CSDE1: variants seen among roughly 807,000 people sequenced by gnomAD.
The protein encoded by CSDE1 is cold shock domain containing E1.
A neutral mutation model predicts 89.3 loss-of-function variants in CSDE1; 17 were observed. That is an observed-to-expected ratio of 0.19 (90% CI 0.13 to 0.29). The LOEUF (loss-of-function observed/expected upper bound fraction) is 0.29, where lower values mean the gene tolerates loss of function less well. Ranked by LOEUF, CSDE1 falls within the 10% of genes least tolerant of loss-of-function variation. The pLI is 1.00. For synonymous variants in CSDE1, 322 were observed against 332.8 expected (o/e 0.97, Z 0.35); for missense variants, 672 against 984.2 (o/e 0.68, Z 4.24).
chr1:114,741,707 A>C (rs1285252187), intron 2 of CSDE1: 14 of 1,429,148 alleles, frequency 9.8e-6, no homozygotes, highest in Non-Finnish European at 1.3e-5. Context: ...GATAACTATG[A>C]TCAATAACAA....
At chr1:114,736,018 C>T (rs1660382141) in intron 6 of CSDE1, among the ~76,000 whole-genome samples, 1 of 152,162 alleles carries the variant, frequency 6.6e-6, no homozygotes, top group African/African-American at 2.4e-5. Context: ...CCACCTTGAA[C>T]ATTCTCCTTA....
chr1:114,732,582 T>C (rs367626609), intron 10 of CSDE1, 22 bp downstream of exon 10: 2 of 1,603,112 alleles, frequency 1.2e-6, no homozygotes, highest in African/African-American at 2.7e-5. Flanking sequence ...TAGATACATA[T>C]CCAGTAATAT....
chr1:114,740,984 A>G (rs1660693983), intron 2 of CSDE1, among the ~76,000 whole-genome samples: 1 of 152,240 alleles, frequency 6.6e-6, no homozygotes, highest in African/African-American at 2.4e-5. Flanking sequence ...TGAGTCAACG[A>G]TATGTGTGAT....
intron 1 of CSDE1, among the ~76,000 whole-genome samples, chr1:114,752,853 T>A (rs993250314): frequency 2.6e-5 from 4 of 152,244 alleles, no homozygotes; most frequent in Admixed American, 2.0e-4. Context: ...TTTTTATGTA[T>A]CTTGTTCCTC....
At chr1:114,725,502 G>A (rs1659743340) in intron 14 of CSDE1, among the ~76,000 whole-genome samples, 169 bp from the exon 15 acceptor site, 1 of 152,184 alleles carries the variant, frequency 6.6e-6, no homozygotes, top group Non-Finnish European at 1.5e-5. Context: ...AATGCCCCAT[G>A]AAGAGGTAAC....
intron 1 of CSDE1, among the ~76,000 whole-genome samples, chr1:114,757,554 G>A (rs1324557257): frequency 6.6e-6 from 1 of 151,996 alleles, no homozygotes; most frequent in East Asian, 1.9e-4. Context: ...CGCAGATGGG[G>A]AAGCAGCCAG....
intron 2 of CSDE1, among the ~76,000 whole-genome samples, chr1:114,742,298 A>G (rs1004697997): frequency 6.6e-6 from 1 of 152,150 alleles, no homozygotes; most frequent in Admixed American, 6.6e-5. Context: ...CTTCACAAAT[A>G]AGACAAATGA....
intron 9 of CSDE1, among the ~76,000 whole-genome samples, 158 bp from the exon 10 acceptor site, chr1:114,732,974 G>A (rs1189954777): frequency 2.0e-5 from 3 of 152,166 alleles, no homozygotes; most frequent in African/African-American, 7.2e-5. Flanking sequence ...AAAGCTTCAT[G>A]GTCTATGGTC....
chr1:114,718,737 G>A lies in CSDE1; in HGVS notation c.2225C>T (p.Pro742Leu), dbSNP rs746922895. The A allele has an allele frequency of 9.3e-6, 15 of 1,613,844 alleles. No homozygotes were observed. The South Asian group carries it at 1.5e-4, about 17-fold the overall frequency. ...AGGTCGAGGAGCTGCAACAGCCTTG[G>A]GGCCCTCACTGTAATTAAGTCAAAA... Reference protein sequence around the residue: ...ACNVWRVCEGPKAVAAPRPDR... With the variant: ...ACNVWRVCEGLKAVAAPRPDR... Residue 742 changes from proline (P) to leucine (L), a missense_variant, in exon 19 of 20, where the codon CCC becomes CTC. Physicochemically the swap from Pro to Leu is moderately conservative, Grantham distance 98 (BLOSUM62 -3). Coordinates refer to ENST00000358528, the MANE Select transcript of CSDE1 (RefSeq NM_001007553.3).
chr1:114,742,539 G>C (rs1412408085), intron 2 of CSDE1, among the ~76,000 whole-genome samples: 1 of 152,112 alleles, frequency 6.6e-6, no homozygotes, highest in African/African-American at 2.4e-5. Flanking sequence ...CCGAAATTGT[G>C]CTACTGCACT....
intron 2 of CSDE1, among the ~76,000 whole-genome samples, chr1:114,741,114 CAAGA>C (rs1051717162): frequency 6.6e-6 from 1 of 152,130 alleles, no homozygotes; most frequent in African/African-American, 2.4e-5. Flanking sequence ...CAAAAGCCCA[CAAGA>C]AAGTATTGTA....
chr1:114,732,715 A>C lies in CSDE1; in HGVS notation c.939T>G (p.Gly313=). Residue 313 remains glycine (G), a synonymous_variant, in exon 10 of 20, where the codon GGT becomes GGG. Coordinates refer to ENST00000358528, the MANE Select transcript of CSDE1 (RefSeq NM_001007553.3). ...DTKSKVTLLE[G]DHVRFNISTD... is the part of the protein sequence containing the mutation. Reference sequence around the variant, plus strand: ...TTGAAATATTAAACCTAACATGGTCACCTTCCAGCAGGGTCACCTTGGATT... The same window carrying C: ...TTGAAATATTAAACCTAACATGGTCCCCTTCCAGCAGGGTCACCTTGGATT... 2 of 1,614,180 alleles carry C rather than the reference A, an allele frequency of 1.2e-6. No homozygotes were observed. Among genetic ancestry groups the C allele is most frequent in the Non-Finnish European group, 1.7e-6 (2 of 1,180,018 alleles).
intron 10 of CSDE1, among the ~76,000 whole-genome samples, chr1:114,731,570 C>A (rs922053886): frequency 6.6e-6 from 1 of 151,900 alleles, no homozygotes; most frequent in Non-Finnish European, 1.5e-5. Context: ...TGATATGATC[C>A]CAAACGTAAC....
At chr1:114,740,401 CA>C (rs1660657929) in intron 2 of CSDE1, among the ~76,000 whole-genome samples, 1 of 152,126 alleles carries the variant, frequency 6.6e-6, no homozygotes, top group African/African-American at 2.4e-5. Context: ...ACTTTCTATG[CA>C]ATACTTAAAC....
intron 18 of CSDE1, among the ~76,000 whole-genome samples, chr1:114,719,289 T>C (rs1659378158): frequency 6.6e-6 from 1 of 152,176 alleles, no homozygotes; most frequent in Non-Finnish European, 1.5e-5. Flanking sequence ...AATCAGACTG[T>C]GAGACTGTCT....
chr1:114,731,872 C>T (rs1405337305), intron 10 of CSDE1, among the ~76,000 whole-genome samples: 1 of 152,146 alleles, frequency 6.6e-6, no homozygotes, highest in East Asian at 1.9e-4. Flanking sequence ...TGCAGGGCAA[C>T]GGCATGGTAT....
chr1:114,742,737 C>A (rs893913909), intron 2 of CSDE1, among the ~76,000 whole-genome samples: 2 of 152,110 alleles, frequency 1.3e-5, no homozygotes, highest in Non-Finnish European at 2.9e-5. Context: ...AACCATCTAA[C>A]GAGATATGGT....
chr1:114,727,242 A>C lies in CSDE1; in HGVS notation c.1357-152T>G, dbSNP rs1659845610. 1.2e-5 allele frequency: 7 copies of C among 582,840 alleles called. No homozygotes were observed. In the South Asian group the frequency reaches 1.6e-4, roughly 14 times the overall value. 36.1% of individuals were successfully genotyped at this position (582,840 alleles called of 1,614,324 possible). A position where few individuals can be genotyped will look rare whatever the true frequency, so the allele number is the denominator to read the frequency against. On this transcript the variant is annotated intron_variant, in intron 12 of 19. Transcript: ENST00000358528. Reference sequence around the variant, plus strand: ...CATTTTCTAAAAGATTATTCATATGAATAAAAGGTAGTCTTGCCTTAAGCC... The same window carrying C: ...CATTTTCTAAAAGATTATTCATATGCATAAAAGGTAGTCTTGCCTTAAGCC...
At chr1:114,737,866 G>T in intron 4 of CSDE1, 97 bp downstream of exon 4, 1 of 852,806 alleles carries the variant, frequency 1.2e-6, no homozygotes, top group Non-Finnish European at 2.0e-6. Context: ...GCTCTCTTTC[G>T]TGCAAACTGA....
Sources: gnomAD v4.1 joint callset for allele counts (sites outside exome capture counted in the v4.1 genomes callset) on GRCh38, gnomAD v4.1.1 for gene constraint, MANE v1.5 for transcripts, NCBI Gene and HGNC (gene_info 2026-07-23, HGNC 2026-07-21) for gene names.